NKIRAS1: variants seen among roughly 807,000 people sequenced by gnomAD.
NKIRAS1 encodes the protein NFKB inhibitor interacting Ras like 1, also known as NF-kappa-B inhibitor-interacting Ras-like protein 1.
NKIRAS1 carries 16 observed loss-of-function variants against 19.8 expected under a neutral mutation model. That is an observed-to-expected ratio of 0.81 (90% confidence interval 0.55 to 1.23). NKIRAS1 has a LOEUF of 1.23. Among genes scored for constraint, NKIRAS1 ranks in the 50% most tolerant of loss-of-function variants. NKIRAS1 has a pLI of 0.00. For synonymous variants in NKIRAS1, 88 were observed against 79.0 expected, an observed-to-expected ratio of 1.11 and a Z score of -0.61; for missense variants, 184 against 220.0, an observed-to-expected ratio of 0.84 and a Z score of 1.04.
At chr3:23,945,153 A>AGGGTAGCCGGGTAGCCAAGGGTAGCC (rs145516978) in intron 1 of NKIRAS1, 3 of 112,372 alleles carry the variant, frequency 2.7e-5, no homozygotes, top group African/African-American at 9.6e-5. Flanking sequence ...GCAGGAGAAA[A>AGGGTAGCCGGGTAGCCAAGGGTAGCC]GGGTAGCCGG....
chr3:23,907,891 A>C (rs927879280), intron 3 of NKIRAS1, among the ~76,000 whole-genome samples: 4 of 152,240 alleles, frequency 2.6e-5, no homozygotes, highest in African/African-American at 9.6e-5. Context: ...TTTAAATTGC[A>C]AGCTGAACTA....
chr3:23,917,987 C>T (rs766954372), upstream of NKIRAS1: 1 of 1,612,324 alleles, frequency 6.2e-7, no homozygotes, highest in African/African-American at 1.3e-5. Flanking sequence ...CCCCGCCCCA[C>T]CCGGCCTGAT....
In NKIRAS1 at chr3:23,890,677, AG is replaced by A; in HGVS notation, c.*2417del. ...AGCTGCTTATGATTTTGAAGGGGTCAGGGAGGGTGGGAGTTGGTAAAGAGTA... is the reference window on the plus strand; with the variant it reads ...AGCTGCTTATGATTTTGAAGGGGTCAGGAGGGTGGGAGTTGGTAAAGAGTA... On this transcript the variant is annotated 3_prime_UTR_variant, in exon 5 of 5. Transcript: ENST00000425478. The A allele has an allele frequency of 1.5e-6, 1 of 648,472 alleles. No individual in the cohort carries two copies. The highest frequency in any genetic ancestry group is 2.6e-6 in the Non-Finnish European group (1 of 386,374). 40.2% of individuals were successfully genotyped at this position (648,472 alleles called of 1,614,324 possible).
At position 23,890,049 on chromosome 3, in the gene NKIRAS1, C is replaced by G. The variant is rs1002121608; in HGVS notation, c.*3046G>C. On this transcript the variant is annotated 3_prime_UTR_variant, in exon 5 of 5. Coordinates refer to ENST00000425478, the MANE Select transcript of NKIRAS1 (RefSeq NM_020345.4). ...CCAGGTTTTGCCTGGCAACCTGGCTCTTTAACCAGCGTAAAGGTTAATAGT... is the reference window on the plus strand; with the variant it reads ...CCAGGTTTTGCCTGGCAACCTGGCTGTTTAACCAGCGTAAAGGTTAATAGT... Among the ~76,000 whole-genome samples, 12 of 152,158 alleles carry G rather than the reference C, an allele frequency of 7.9e-5. No homozygotes were observed. Among genetic ancestry groups the G allele is most frequent in the African/African-American group, 2.9e-4 (12 of 41,412 alleles).
intron 1 of NKIRAS1, among the ~76,000 whole-genome samples, chr3:23,915,585 C>T (rs920872105): frequency 6.6e-6 from 1 of 152,132 alleles, no homozygotes; most frequent in African/African-American, 2.4e-5. Flanking sequence ...AAAATGTACG[C>T]CATATGAAGT....
rs1038659651 is a variant in NKIRAS1, at chr3:23,927,711, T to C, written c.-139-16261A>G. Among the ~76,000 whole-genome samples, 2 of 152,204 alleles carry C rather than the reference T, an allele frequency of 1.3e-5. No homozygotes were observed. The highest frequency in any genetic ancestry group is 1.3e-4 in the Admixed American group (2 of 15,280). On this transcript the variant is annotated intron_variant, in intron 1 of 4. Transcript: ENST00000421515. The surrounding 1 kb of genome is among the most constrained non-coding windows in gnomAD (Gnocchi z 4.0). Reference sequence around the variant, plus strand: ...ACTTGTTTCTATGAGAGTGTAAACATACTATTTAGCTTCCCGAGGTTGATT... The same window carrying C: ...ACTTGTTTCTATGAGAGTGTAAACACACTATTTAGCTTCCCGAGGTTGATT...
chr3:23,941,984 TTTATTTA>T (rs1705508254), intron 1 of NKIRAS1, among the ~76,000 whole-genome samples: 1 of 50,366 alleles, frequency 2.0e-5, no homozygotes, highest in Non-Finnish European at 5.7e-5. Flanking sequence ...TATTTATTTA[TTTATTTA>T]TTTTTGAGAC....
chr3:23,910,907 T>C lies in NKIRAS1; in HGVS notation c.-3A>G, dbSNP rs370210022. On this transcript the variant is annotated 5_prime_UTR_variant, in exon 3 of 5. Coordinates refer to ENST00000425478, the MANE Select transcript of NKIRAS1 (RefSeq NM_020345.4). ...ACAACCTTGCAGCCCTTTCCCATCTTCTCTCAGGATATCACTGTGGAGAGA... is the reference window on the plus strand; with the variant it reads ...ACAACCTTGCAGCCCTTTCCCATCTCCTCTCAGGATATCACTGTGGAGAGA... The C allele has an allele frequency of 2.5e-5, 41 of 1,612,894 alleles. No homozygotes were observed. In the African/African-American group the frequency reaches 4.9e-4, roughly 19 times the overall value.
chr3:23,910,499 T>C (rs955766965), intron 3 of NKIRAS1, among the ~76,000 whole-genome samples: 6 of 152,222 alleles, frequency 3.9e-5, no homozygotes, highest in African/African-American at 1.2e-4. Flanking sequence ...ATTTGTAATG[T>C]AATGAATTTA....
At chr3:23,945,919 A>C (rs1480310200) in intron 1 of NKIRAS1, among the ~76,000 whole-genome samples, 1 of 148,742 alleles carries the variant, frequency 6.7e-6, no homozygotes, top group East Asian at 2.1e-4. Flanking sequence ...CGGGCGCGTG[A>C]CGCGGCATTA....
chr3:23,918,430 T>G, upstream of NKIRAS1: 1 of 1,611,004 alleles, frequency 6.2e-7, no homozygotes, highest in African/African-American at 1.3e-5. Flanking sequence ...TCGTGTGTGT[T>G]TGTGTGTAGG....
At position 23,890,250 on chromosome 3, in the gene NKIRAS1, G is replaced by GTTGT. The variant is rs1170906140; in HGVS notation, c.*2841_*2844dup. ...AAGAGTAAAGAAACTCCAATTGAGTGTTGTTTGTTGGGAGAAAAATGGAAT... is the reference window on the plus strand; with the variant it reads ...AAGAGTAAAGAAACTCCAATTGAGTGTTGTTTGTTTGTTGGGAGAAAAATGGAAT... On this transcript the variant is annotated 3_prime_UTR_variant, in exon 5 of 5. Coordinates refer to ENST00000425478, the MANE Select transcript of NKIRAS1 (RefSeq NM_020345.4). Among the ~76,000 whole-genome samples the GTTGT allele has an allele frequency of 6.6e-6, 1 of 152,146 alleles. No homozygotes were observed. Among genetic ancestry groups the GTTGT allele is most frequent in the East Asian group, 1.9e-4 (1 of 5,196 alleles).
At chr3:23,893,542 C>T (rs1161399337) in intron 4 of NKIRAS1, among the ~76,000 whole-genome samples, 1 of 152,122 alleles carries the variant, frequency 6.6e-6, no homozygotes, top group Non-Finnish European at 1.5e-5. Context: ...CGTGCTGGCT[C>T]ATGCCTATAT....
upstream of NKIRAS1, chr3:23,917,884 G>A: frequency 6.2e-7 from 1 of 1,611,124 alleles, no homozygotes; most frequent in Non-Finnish European, 8.5e-7. Context: ...GTACATCCAG[G>A]AGCTATGGAG....
rs566621077 is a variant in NKIRAS1 at position 23,928,427 on chromosome 3, G to A, written c.-139-16977C>T. On this transcript the variant is annotated intron_variant, in intron 1 of 4. Transcript: ENST00000421515. ...CATTAAGTTTCTAAATATATAAAATGTAATTTACATTCTTAATTCTGATAT... is the reference window on the plus strand; with the variant it reads ...CATTAAGTTTCTAAATATATAAAATATAATTTACATTCTTAATTCTGATAT... Among the ~76,000 whole-genome samples the A allele has an allele frequency of 1.4e-3, 218 of 151,984 alleles. 1 individual carries two copies. Among genetic ancestry groups the A allele is most frequent in the African/African-American group, 4.8e-3 (200 of 41,470 alleles).
At chr3:23,906,904 G>A (rs542895766) in intron 3 of NKIRAS1, among the ~76,000 whole-genome samples, 5 of 151,882 alleles carry the variant, frequency 3.3e-5, no homozygotes, top group Admixed American at 6.6e-5. Flanking sequence ...GTTTTGTTTT[G>A]TTTTGTTTTG....
intron 1 of NKIRAS1, among the ~76,000 whole-genome samples, chr3:23,941,435 T>C (rs1183870400): frequency 6.6e-6 from 1 of 152,220 alleles, no homozygotes; most frequent in Non-Finnish European, 1.5e-5. Context: ...GAAAGTAATT[T>C]GCATTTTTAA....
upstream of NKIRAS1, chr3:23,918,909 G>C: frequency 1.9e-6 from 1 of 517,704 alleles, no homozygotes; most frequent in Non-Finnish European, 3.4e-6. Flanking sequence ...AAAAAGATAA[G>C]GTCCCCAAAC....
chr3:23,906,172 A>AC (rs1244561872), intron 3 of NKIRAS1, among the ~76,000 whole-genome samples: 1 of 151,660 alleles, frequency 6.6e-6, no homozygotes, highest in Non-Finnish European at 1.5e-5. Flanking sequence ...AAAAAAAAAA[A>AC]AAAAAACCAA....
Sources: gnomAD v4.1 joint callset for allele counts (sites outside exome capture counted in the v4.1 genomes callset) on GRCh38, gnomAD v4.1.1 for gene constraint, Gnocchi (gnomAD v3.1) non-coding constraint, MANE v1.5 for transcripts, NCBI Gene and HGNC (gene_info 2026-07-23, HGNC 2026-07-21) for gene names.